TBKBP1: variants seen among roughly 807,000 people sequenced by gnomAD.
TBKBP1 encodes TANK-binding kinase 1-binding protein 1.
A neutral mutation model predicts 69.9 loss-of-function variants in TBKBP1; 47 were observed. That is an observed-to-expected ratio of 0.67 (90% CI 0.53 to 0.86). The LOEUF is 0.86. TBKBP1 is among the 40% of genes least tolerant of loss of function. The pLI, the probability that TBKBP1 is intolerant of heterozygous loss-of-function variation, is 0.00. For synonymous variants in TBKBP1, 418 were observed against 390.3 expected, an observed-to-expected ratio of 1.07 and a Z score of -0.84; for missense variants, 831 against 858.6, an observed-to-expected ratio of 0.97 and a Z score of 0.40.
chr17:47,696,438 C>G, intron 2 of TBKBP1, 101 bp downstream of exon 2: 1 of 1,375,386 alleles, frequency 7.3e-7, no homozygotes, highest in Non-Finnish European at 9.9e-7. Flanking sequence ...GGTCACTGTG[C>G]AGACTCTTGG....
Position 47,711,259 on chromosome 17 carries a change from A to G in TBKBP1, c.*633A>G. The G allele has an allele frequency of 6.5e-6, 1 of 153,124 alleles. No individual in the cohort carries two copies. The highest frequency in any genetic ancestry group is 1.5e-5 in the Non-Finnish European group (1 of 68,410). The allele number at this position is 153,124 out of a possible 1,614,324, so 9.5% of individuals were successfully genotyped here. ...CTCTGGGGAATAGGGAGGGGAGGAG[A>G]GGAGAGGAGAGGGAGGATCCTGGAG... On this transcript the variant is annotated 3_prime_UTR_variant, in exon 10 of 10. Transcript: ENST00000578982.
chr17:47,698,499 T>G (rs2031343141), intron 4 of TBKBP1, 96 bp from the exon 5 acceptor site: 2 of 1,302,254 alleles, frequency 1.5e-6, no homozygotes, highest in Non-Finnish European at 2.1e-6. Context: ...TTGGGATGTG[T>G]GACCTGGGGC....
chr17:47,707,783 G>T (rs750445450), intron 7 of TBKBP1, among the ~76,000 whole-genome samples: 11 of 152,172 alleles, frequency 7.2e-5, no homozygotes, highest in Non-Finnish European at 1.2e-4. Flanking sequence ...GCTGGCTTGG[G>T]GTTAAGTTTA....
chr17:47,705,858 G>T (rs1032460652), intron 7 of TBKBP1, among the ~76,000 whole-genome samples: 3 of 152,214 alleles, frequency 2.0e-5, no homozygotes, highest in African/African-American at 4.8e-5. Flanking sequence ...AGCAGTCTTT[G>T]TGAGGGTTGC....
Position 47,709,061 on chromosome 17 carries a change from C to T in TBKBP1, c.1328C>T (p.Ala443Val). Residue 443 changes from alanine (A) to valine (V), a missense_variant, in exon 9 of 10, where the codon GCC becomes GTC. Ala to Val is a moderately conservative substitution (Grantham distance 64). Coordinates refer to ENST00000578982, the MANE Select transcript of TBKBP1 (RefSeq NM_001394755.1). ...PPGERTLAERAYAKPPSHHVK... is the reference protein window; with the variant it reads ...PPGERTLAERVYAKPPSHHVK... ...GGCGAGAGGACGCTGGCCGAGCGCG[C>T]CTACGCCAAGCCGCCCAGCCACCAC... 7 of 1,344,666 alleles carry T rather than the reference C, an allele frequency of 5.2e-6. No individual in the cohort carries two copies. The highest frequency in any genetic ancestry group is 6.7e-6 in the Non-Finnish European group (7 of 1,050,744). The allele number at this position is 1,344,666 out of a possible 1,614,324, so 83.3% of individuals were successfully genotyped here.
intron 7 of TBKBP1, among the ~76,000 whole-genome samples, chr17:47,702,735 G>A (rs1291134663): frequency 6.6e-6 from 1 of 152,092 alleles, no homozygotes; most frequent in East Asian, 1.9e-4. Flanking sequence ...GAGACAAATT[G>A]CCCCAGAGGA....
Position 47,709,112 on chromosome 17 carries a change from G to T in TBKBP1, c.1379G>T (p.Arg460Leu), listed in dbSNP as rs2031818786. ...HHVKAGFQGR[R>L]SYSELAEGAA... The stretch of plus-strand genomic sequence containing the variant: ...GTGAAGGCCGGCTTCCAGGGCCGCC[G>T]CAGCTACTCTGAGCTGGCGGAGGGC... The change falls in exon 9 of 10, where the codon CGC becomes CTC. Residue 460 changes from arginine (R) to leucine (L), a missense_variant. Coordinates refer to ENST00000578982, the MANE Select transcript of TBKBP1 (RefSeq NM_001394755.1). 2 of 1,365,056 alleles carry T rather than the reference G, an allele frequency of 1.5e-6. No homozygotes were observed. 84.6% of individuals were successfully genotyped at this position (1,365,056 alleles called of 1,614,324 possible). A position where few individuals can be genotyped will look rare whatever the true frequency, so the allele number is the denominator to read the frequency against.
Position 47,708,778 on chromosome 17 carries a change from TC to T in TBKBP1, c.1050del (p.Ser351ProfsTer102). The T allele has an allele frequency of 3.5e-6, 1 of 285,240 alleles. No individual in the cohort carries two copies. The highest frequency in any genetic ancestry group is 5.9e-6 in the Non-Finnish European group (1 of 170,466). The allele number at this position is 285,240 out of a possible 1,614,324, so 17.7% of individuals were successfully genotyped here. A position where few individuals can be genotyped will look rare whatever the true frequency, so the allele number is the denominator to read the frequency against. On this transcript the variant is annotated frameshift_variant, in exon 9 of 10. Coordinates refer to ENST00000578982, the MANE Select transcript of TBKBP1 (RefSeq NM_001394755.1). LOFTEE classifies it high-confidence loss of function. The surrounding 1 kb of genome is among the most constrained non-coding windows in gnomAD (Gnocchi z 4.4). ...QRHSPAPQCPSPSPPARAAPP... is the reference protein window; with the variant it reads ...QRHSPAPQCPXPSPPARAAPP... ...CCACTCCCCGGCCCCCCAGTGCCCCTCCCCCTCCCCGCCTGCCCGAGCGGCT... is the reference window on the plus strand; with the variant it reads ...CCACTCCCCGGCCCCCCAGTGCCCCTCCCCTCCCCGCCTGCCCGAGCGGCT...
In TBKBP1 at chr17:47,708,986, C is replaced by T; in HGVS notation, c.1253C>T (p.Pro418Leu). Reference protein sequence around the residue: ...SPSPQRRSPVPPSCPAPQPRP... With the variant: ...SPSPQRRSPVLPSCPAPQPRP... ...AGCCCGCAGCGCCGTTCCCCGGTGC[C>T]CCCCAGCTGCCCGGCCCCGCAGCCC... is the stretch of plus-strand genomic sequence containing the variant. Residue 418 changes from proline (P) to leucine (L), a missense_variant, in exon 9 of 10, where the codon CCC becomes CTC. Physicochemically the swap from Pro to Leu is moderately conservative, Grantham distance 98. Coordinates refer to ENST00000578982, the MANE Select transcript of TBKBP1 (RefSeq NM_001394755.1). This position sits in a 1 kb window ranked among gnomAD's most constrained non-coding sequence, Gnocchi z 4.4. The T allele has an allele frequency of 8.9e-7, 1 of 1,125,026 alleles. No homozygotes were observed. The highest frequency in any genetic ancestry group is 1.1e-6 in the Non-Finnish European group (1 of 920,436). The allele number at this position is 1,125,026 out of a possible 1,614,324, so 69.7% of individuals were successfully genotyped here. A position where few individuals can be genotyped will look rare whatever the true frequency, so the allele number is the denominator to read the frequency against.
intron 5 of TBKBP1, among the ~76,000 whole-genome samples, chr17:47,699,116 C>G (rs984933640): frequency 6.6e-6 from 1 of 152,174 alleles, no homozygotes; most frequent in African/African-American, 2.4e-5. Flanking sequence ...AAGAGCCCAT[C>G]TTATTTTTTT....
intron 7 of TBKBP1, among the ~76,000 whole-genome samples, chr17:47,706,178 A>C (rs938132466): frequency 3.3e-5 from 5 of 152,026 alleles, no homozygotes; most frequent in Non-Finnish European, 5.9e-5. Context: ...ATGGTGAGAG[A>C]AGCTTTGGCT....
chr17:47,702,343 T>C (rs924281570), intron 7 of TBKBP1, among the ~76,000 whole-genome samples: 10 of 151,984 alleles, frequency 6.6e-5, no homozygotes, highest in Admixed American at 2.0e-4. Context: ...AGGACCAGGA[T>C]ATGAAGGCTG....
chr17:47,710,711 G>C lies in TBKBP1; in HGVS notation c.*85G>C, dbSNP rs116101515. 63 of 1,525,282 alleles carry C rather than the reference G, an allele frequency of 4.1e-5. No homozygotes were observed. The highest frequency in any genetic ancestry group is 1.7e-4 in the Middle Eastern group (1 of 5,744). The allele number at this position is 1,525,282 out of a possible 1,614,324, so 94.5% of individuals were successfully genotyped here. On this transcript the variant is annotated 3_prime_UTR_variant, in exon 10 of 10. Coordinates refer to ENST00000578982, the MANE Select transcript of TBKBP1 (RefSeq NM_001394755.1). ...CTTTGAATGCTGCATGAATCTCGTGGGGGGTCCCTGCCCTTGCGACCCCCA... is the reference window on the plus strand; with the variant it reads ...CTTTGAATGCTGCATGAATCTCGTGCGGGGTCCCTGCCCTTGCGACCCCCA...
Position 47,699,658 on chromosome 17 carries a change from A to T in TBKBP1, c.833A>T (p.Glu278Val). 1 of 1,613,924 alleles carries T rather than the reference A, an allele frequency of 6.2e-7. No homozygotes were observed. The highest frequency in any genetic ancestry group is 8.5e-7 in the Non-Finnish European group (1 of 1,179,880). Residue 278 changes from glutamate to valine, a missense_variant, in exon 7 of 10, where the codon GAG (glutamate) becomes GTG (valine). Coordinates refer to ENST00000578982, the MANE Select transcript of TBKBP1 (RefSeq NM_001394755.1). ...RAQDLASNQS[E>V]RDMAWVKRVG... is the part of the protein sequence containing the mutation. ...TAGGATCTGGCCTCCAACCAGTCGGAGCGAGACATGGCGTGGGTGAAAAGA... is the reference window on the plus strand; with the variant it reads ...TAGGATCTGGCCTCCAACCAGTCGGTGCGAGACATGGCGTGGGTGAAAAGA...
intron 4 of TBKBP1, among the ~76,000 whole-genome samples, chr17:47,697,881 C>T (rs1019873432): frequency 4.9e-5 from 7 of 143,960 alleles, no homozygotes; most frequent in Middle Eastern, 7.8e-3. Context: ...CCCAGGAGAT[C>T]GAAGCTTTGG....
chr17:47,702,564 C>T (rs1032373399), intron 7 of TBKBP1, among the ~76,000 whole-genome samples: 5 of 152,046 alleles, frequency 3.3e-5, no homozygotes, highest in Admixed American at 6.6e-5. Context: ...CAGGGTTTCC[C>T]AGTTCCTTCC....
chr17:47,700,595 C>T (rs1415853350), intron 7 of TBKBP1, among the ~76,000 whole-genome samples: 1 of 152,030 alleles, frequency 6.6e-6, no homozygotes, highest in African/African-American at 2.4e-5. Context: ...CCTCCCCTCC[C>T]TAGTGAGGAA....
At chr17:47,699,805 A>C in intron 7 of TBKBP1, 108 bp downstream of exon 7, 3 of 1,248,996 alleles carry the variant, frequency 2.4e-6, no homozygotes, top group Non-Finnish European at 3.4e-6. Context: ...TGCATCCTTC[A>C]TAGGAAGGAG....
At position 47,694,890 on chromosome 17, in the gene TBKBP1, G is replaced by GC. The variant is rs768611476; in HGVS notation, c.-35+696_-35+697insC. Among the ~76,000 whole-genome samples, 70 of 29,560 alleles carry GC rather than the reference G, an allele frequency of 2.4e-3. No homozygotes were observed. In the South Asian group the frequency reaches 0.057, roughly 24 times the overall value. 19.4% of individuals were successfully genotyped at this position (29,560 alleles called of 152,430 possible). ...TTAGATGGGCCTGTGGGTGGCGGAG[G>GC]GGGGGGGGTGGATTGAATTGGAGCC... is the stretch of plus-strand genomic sequence containing the variant. On this transcript the variant is annotated intron_variant, in intron 1 of 9. Transcript: ENST00000578982.
Sources: allele counts gnomAD v4.1 joint callset (sites outside exome capture counted in the v4.1 genomes callset), GRCh38; gene constraint gnomAD v4.1.1; non-coding constraint Gnocchi (gnomAD v3.1); transcripts MANE v1.5; gene names NCBI Gene and HGNC (gene_info 2026-07-23, HGNC 2026-07-21).